The following SERPINA9 variants were observed in gnomAD, a reference collection of about 807,000 sequenced individuals.
SERPINA9 encodes the protein serpin family A member 9.
Under a neutral mutation model 24.5 loss-of-function variants are expected in SERPINA9, and 32 were observed. The observed-to-expected ratio is 1.30, with a 90% CI of 0.98 to 1.75. SERPINA9 has a LOEUF of 1.75. Ranked by LOEUF, SERPINA9 falls within the 40% of genes most tolerant of loss-of-function variation. SERPINA9 has a pLI of 0.00. For synonymous variants in SERPINA9, 233 were observed against 197.7 expected (o/e 1.18, Z -1.50); for missense variants, 594 against 497.1 (o/e 1.19, Z -1.85).
intron 1 of SERPINA9, 36 bp from the exon 2 acceptor site, chr14:94,469,893 T>G: frequency 6.7e-7 from 1 of 1,487,196 alleles, no homozygotes. Context: ...GGGGGTAAAC[T>G]GAGGGTCCAG....
chr14:94,475,962 G>C (rs1899620201), intron 1 of SERPINA9, 174 bp downstream of exon 1: 2 of 878,776 alleles, frequency 2.3e-6, no homozygotes, highest in Admixed American at 4.7e-5. Context: ...CCTGGCTTCT[G>C]TATCCACAAA....
In SERPINA9 at chr14:94,463,119, T is replaced by A. The variant is rs761765070; in HGVS notation, c.1228A>T (p.Lys410Ter). 2.5e-6 allele frequency: 4 copies of A among 1,614,156 alleles called. No individual in the cohort carries two copies. The East Asian group carries it at 8.9e-5, about 36-fold the overall frequency. ...TAGGATTTAGTGGGATTTTCCACTT[T>A]CCCTAGAAAGAGAATACCGTCTGTG... ...KATDGILFLGKVENPTKS is the reference protein window; with the variant it reads ...KATDGILFLG The change falls in exon 5 of 5, where the codon AAA (lysine) becomes TAA (stop). Residue 410 changes from lysine (K) to a stop codon, truncating the protein, a stop_gained. Coordinates refer to ENST00000674397, the MANE Select transcript of SERPINA9 (RefSeq NM_175739.4). LOFTEE classifies it high-confidence loss of function.
At chr14:94,475,420 G>GCA (rs796392665) in intron 1 of SERPINA9, among the ~76,000 whole-genome samples, 4 of 111,734 alleles carry the variant, frequency 3.6e-5, no homozygotes, top group Admixed American at 3.0e-4. Flanking sequence ...GCCTACATGT[G>GCA]CACACACACA....
At position 94,462,903 on chromosome 14, in the gene SERPINA9, G is replaced by A; in HGVS notation, c.*190C>T. The A allele has an allele frequency of 1.7e-6, 1 of 584,882 alleles. No homozygotes were observed. Among genetic ancestry groups the A allele is most frequent in the Admixed American group, 2.9e-5 (1 of 34,820 alleles). 36.2% of individuals were successfully genotyped at this position (584,882 alleles called of 1,614,324 possible). On this transcript the variant is annotated 3_prime_UTR_variant, in exon 5 of 5. Transcript: ENST00000674397. The stretch of plus-strand genomic sequence containing the variant: ...AATTTGTGGAAAAGGGCACTGACTG[G>A]GGTTAATGGGTGTTGGCTTGTGACT...
intron 3 of SERPINA9, among the ~76,000 whole-genome samples, chr14:94,465,644 C>A (rs764587007): frequency 1.3e-5 from 2 of 152,180 alleles, no homozygotes; most frequent in Non-Finnish European, 2.9e-5. Flanking sequence ...TCTCCTGCCT[C>A]AGCCTCCCAA....
intron 1 of SERPINA9, 138 bp downstream of exon 1, chr14:94,475,998 C>A: frequency 7.5e-7 from 1 of 1,341,238 alleles, no homozygotes. Flanking sequence ...CTACTAAAAG[C>A]CAACTAATGT....
chr14:94,464,195 A>T (rs1595662381), intron 4 of SERPINA9: 1 of 154,328 alleles, frequency 6.5e-6, no homozygotes, highest in Admixed American at 6.5e-5. Context: ...GCCATGTGGG[A>T]ATTAGAGTTA....
intron 4 of SERPINA9, chr14:94,464,392 G>C (rs994465412): frequency 2.2e-6 from 1 of 456,024 alleles, no homozygotes; most frequent in African/African-American, 2.1e-5. Context: ...TGTGATGCCT[G>C]TGTGAGGGCC....
At chr14:94,469,954 A>G in intron 1 of SERPINA9, 97 bp from the exon 2 acceptor site, 1 of 983,628 alleles carries the variant, frequency 1.0e-6, no homozygotes. Flanking sequence ...CAGCAGAATG[A>G]GGACAGATAG....
At chr14:94,470,168 A>G in intron 1 of SERPINA9, 1 of 1,096,646 alleles carries the variant, frequency 9.1e-7, no homozygotes, top group Non-Finnish European at 1.1e-6. Flanking sequence ...ATGCTTTTTG[A>G]TGTTTCTGCT....
chr14:94,475,924 C>G (rs1899616872), intron 1 of SERPINA9: 1 of 626,390 alleles, frequency 1.6e-6, no homozygotes, highest in Non-Finnish European at 2.8e-6. Flanking sequence ...GTGGCCTTAC[C>G]TCCAACTCAC....
chr14:94,475,894 G>C (rs1899612966), intron 1 of SERPINA9: 6 of 540,476 alleles, frequency 1.1e-5, no homozygotes, highest in East Asian at 5.9e-5. Flanking sequence ...ATTTTCAAGA[G>C]CTGTGTATTC....
chr14:94,469,672 G>T lies in SERPINA9; in HGVS notation c.169C>A (p.Arg57Ser). 1 of 1,613,828 alleles carries T rather than the reference G, an allele frequency of 6.2e-7. No homozygotes were observed. Among genetic ancestry groups the T allele is most frequent in the African/African-American group, 1.3e-5 (1 of 75,020 alleles). ...LNTDFAFRLY[R>S]RLVLETPSQN... The stretch of plus-strand genomic sequence containing the variant: ...CTCGGGGTCTCCAAAACCAGCCTGC[G>T]GTATAGGCGGAAGGCAAAGTCGGTG... Residue 57 changes from arginine (R) to serine (S), a missense_variant, in exon 2 of 5, where the codon CGC becomes AGC. Transcript: ENST00000674397.
chr14:94,465,194 C>A (rs1035430153), intron 3 of SERPINA9, among the ~76,000 whole-genome samples: 2 of 152,160 alleles, frequency 1.3e-5, no homozygotes, highest in African/African-American at 4.8e-5. Context: ...GTCCGGAATA[C>A]CTCCTCAGCA....
chr14:94,463,053 G>T lies in SERPINA9; in HGVS notation c.*40C>A. 1 of 1,482,204 alleles carries T rather than the reference G, an allele frequency of 6.7e-7. No individual in the cohort carries two copies. The highest frequency in any genetic ancestry group is 9.4e-7 in the Non-Finnish European group (1 of 1,059,504). The allele number at this position is 1,482,204 out of a possible 1,614,324, so 91.8% of individuals were successfully genotyped here. ...AGGGATGTGGTTTGTTATTTCTTGT[G>T]CATTAGCAATGTGCCATCAGTTAAC... is the stretch of plus-strand genomic sequence containing the variant. On this transcript the variant is annotated 3_prime_UTR_variant, in exon 5 of 5. Transcript: ENST00000674397.
In SERPINA9 at chr14:94,462,974, C is replaced by T. The variant is rs1444092346; in HGVS notation, c.*119G>A. The T allele has an allele frequency of 3.6e-6, 3 of 837,228 alleles. No individual in the cohort carries two copies. Among genetic ancestry groups the T allele is most frequent in the Non-Finnish European group, 5.9e-6 (3 of 509,990 alleles). The allele number at this position is 837,228 out of a possible 1,614,324, so 51.9% of individuals were successfully genotyped here. Reference sequence around the variant, plus strand: ...GGTGATTGAGCCTTGGAAGTGGCATCCCTGCCAGCGAATCCAGCTCCACTG... The same window carrying T: ...GGTGATTGAGCCTTGGAAGTGGCATTCCTGCCAGCGAATCCAGCTCCACTG... On this transcript the variant is annotated 3_prime_UTR_variant, in exon 5 of 5. Transcript: ENST00000674397.
chr14:94,471,270 A>G (rs2139815953), intron 1 of SERPINA9, among the ~76,000 whole-genome samples: 1 of 152,242 alleles, frequency 6.6e-6, no homozygotes, highest in South Asian at 2.1e-4. Context: ...GAAAGACTTT[A>G]CCCACTGGAA....
At chr14:94,463,429 A>G (rs1410411288) in intron 4 of SERPINA9, 133 bp from the exon 5 acceptor site, 3 of 751,254 alleles carry the variant, frequency 4.0e-6, no homozygotes, top group East Asian at 2.7e-5. Context: ...AATGCCTGGC[A>G]TTGGGTTTAC....
chr14:94,462,825 G>A lies in SERPINA9; in HGVS notation c.*268C>T, dbSNP rs1046275137. The A allele has an allele frequency of 4.3e-5, 19 of 438,742 alleles. No individual in the cohort carries two copies. Among genetic ancestry groups the A allele is most frequent in the Non-Finnish European group, 7.5e-5 (18 of 239,120 alleles). 27.2% of individuals were successfully genotyped at this position (438,742 alleles called of 1,614,324 possible). On this transcript the variant is annotated 3_prime_UTR_variant, in exon 5 of 5. Transcript: ENST00000674397. ...GTATTTCCATTCCTGGGAGCCCCAA[G>A]GAATGGAAATATGGTAACCCAGCAA...
Sources: gnomAD v4.1 joint callset for allele counts (sites outside exome capture counted in the v4.1 genomes callset) on GRCh38, gnomAD v4.1.1 for gene constraint, MANE v1.5 for transcripts, NCBI Gene and HGNC (gene_info 2026-07-23, HGNC 2026-07-21) for gene names.